COL8A1: variants seen among roughly 807,000 people sequenced by gnomAD.
COL8A1 encodes collagen type VIII alpha 1 chain, also known as collagen alpha-1(VIII) chain.
A neutral mutation model predicts 42.7 loss-of-function variants in COL8A1; 21 were observed. That is an observed-to-expected ratio of 0.49 (90% CI 0.35 to 0.71). The LOEUF (loss-of-function observed/expected upper bound fraction) is 0.71. COL8A1 is among the 30% of genes least tolerant of loss of function. The pLI is 0.01. For missense variants in COL8A1, 788 were observed against 962.4 expected, an observed-to-expected ratio of 0.82 and a Z score of 2.40; for synonymous variants, 367 against 369.1, an observed-to-expected ratio of 0.99 and a Z score of 0.06.
chr3:99,679,164 C>G (rs1315370877), intron 1 of COL8A1: 1 of 152,178 alleles, frequency 6.6e-6, no homozygotes, highest in Non-Finnish European at 1.5e-5. Context: ...TTGCAATCTT[C>G]CAAGTCCAAG....
rs201821769 is a variant in COL8A1 at position 99,791,366 on chromosome 3, GA to G, written c.328+364del. 4.7e-3 allele frequency among the ~76,000 whole-genome samples: 721 copies of G among 151,908 alleles called. 2 individuals are homozygous for G. The highest frequency in any genetic ancestry group is 8.5e-3 in the Non-Finnish European group (575 of 67,918). On this transcript the variant is annotated intron_variant, in intron 3 of 3. Transcript: ENST00000652472. ...GCCAGATGCTGGGAGCTAAAGCAGT[GA>G]AAAAAAAGAAAGGTGACAAGTCAGT...
intron 2 of COL8A1, among the ~76,000 whole-genome samples, chr3:99,783,246 G>A (rs1941828812): frequency 6.6e-6 from 1 of 152,152 alleles, no homozygotes; most frequent in Admixed American, 6.6e-5. Flanking sequence ...TCATTTCAGA[G>A]GCATTATGTG....
In COL8A1 at chr3:99,757,072, CT is replaced by C. The variant is rs1226385154; in HGVS notation, c.-4+12053del. On this transcript the variant is annotated intron_variant, in intron 2 of 3. Transcript: ENST00000652472. ...AGAAAGACAGGGACTTTTCTGTCTT[CT>C]TGCTGTATCCCCAGCAATTAGAACT... 1.1e-4 allele frequency among the ~76,000 whole-genome samples: 17 copies of C among 152,304 alleles called. No homozygotes were observed. In the South Asian group the frequency reaches 3.3e-3, roughly 30 times the overall value.
chr3:99,753,569 A>G, intron 2 of COL8A1, among the ~76,000 whole-genome samples: 1 of 152,192 alleles, frequency 6.6e-6, no homozygotes, highest in East Asian at 1.9e-4. Flanking sequence ...CATGGATCAC[A>G]ATTGCCATCT....
At chr3:99,779,457 C>T (rs955638161) in intron 2 of COL8A1, among the ~76,000 whole-genome samples, 10 of 152,200 alleles carry the variant, frequency 6.6e-5, no homozygotes, top group African/African-American at 1.4e-4. Flanking sequence ...GTCACTCCCA[C>T]AAGGGCAACC....
At chr3:99,749,770 A>T (rs576526336) in intron 2 of COL8A1, among the ~76,000 whole-genome samples, 15 of 152,136 alleles carry the variant, frequency 9.9e-5, no homozygotes, top group Non-Finnish European at 1.5e-4. Flanking sequence ...CATTATACTC[A>T]CTTGGAAGAA....
chr3:99,639,274 A>T (rs1215381150), intron 1 of COL8A1, among the ~76,000 whole-genome samples: 1 of 152,224 alleles, frequency 6.6e-6, no homozygotes, highest in Non-Finnish European at 1.5e-5. Flanking sequence ...CCAGGGTAGA[A>T]TGTGCTCTCT....
intron 2 of COL8A1, among the ~76,000 whole-genome samples, chr3:99,756,530 A>T (rs904717005): frequency 6.6e-6 from 1 of 152,160 alleles, no homozygotes; most frequent in East Asian, 1.9e-4. Flanking sequence ...TTAGCTCCTA[A>T]CTATTTCAAG....
chr3:99,730,975 C>A (rs1940490524), intron 1 of COL8A1, among the ~76,000 whole-genome samples: 1 of 151,966 alleles, frequency 6.6e-6, no homozygotes, highest in Non-Finnish European at 1.5e-5. Flanking sequence ...GTGCTAAGTT[C>A]TGTGTTTCAA....
chr3:99,652,859 A>T (rs528628873), intron 1 of COL8A1, among the ~76,000 whole-genome samples: 21 of 152,176 alleles, frequency 1.4e-4, no homozygotes, highest in Non-Finnish European at 2.9e-4. Flanking sequence ...TTAATGCCCA[A>T]ATGTGTGTAA....
At chr3:99,767,523 TG>T (rs1941486954) in intron 2 of COL8A1, among the ~76,000 whole-genome samples, 1 of 152,204 alleles carries the variant, frequency 6.6e-6, no homozygotes, top group Non-Finnish European at 1.5e-5. Flanking sequence ...GGACCCAACA[TG>T]TTTTTTTGGA....
intron 1 of COL8A1, among the ~76,000 whole-genome samples, chr3:99,744,006 G>A (rs1000930243): frequency 1.0e-4 from 15 of 149,598 alleles, no homozygotes; most frequent in African/African-American, 3.7e-4. Context: ...TCGGCTCACC[G>A]CAAGCTCCGC....
intron 1 of COL8A1, among the ~76,000 whole-genome samples, chr3:99,687,184 C>T (rs1228849795): frequency 1.3e-5 from 2 of 152,178 alleles, no homozygotes; most frequent in African/African-American, 4.8e-5. Flanking sequence ...CAATGTGGAG[C>T]CACCTAGCGG....
intron 1 of COL8A1, among the ~76,000 whole-genome samples, chr3:99,690,031 A>G (rs1939172905): frequency 6.6e-6 from 1 of 152,230 alleles, no homozygotes. Flanking sequence ...AACAATTTGT[A>G]CTGACACATT....
chr3:99,718,661 C>A (rs1424615556), intron 1 of COL8A1, among the ~76,000 whole-genome samples: 1 of 151,984 alleles, frequency 6.6e-6, no homozygotes, highest in African/African-American at 2.4e-5. Flanking sequence ...GCACTAAGTC[C>A]TGTCCTTAGA....
chr3:99,650,942 A>C (rs1366711187), intron 1 of COL8A1, among the ~76,000 whole-genome samples: 1 of 152,232 alleles, frequency 6.6e-6, no homozygotes, highest in Non-Finnish European at 1.5e-5. Flanking sequence ...CTATGACTGC[A>C]GTAGTGTTCA....
chr3:99,762,698 A>G (rs2107427245), intron 2 of COL8A1, among the ~76,000 whole-genome samples: 1 of 152,302 alleles, frequency 6.6e-6, no homozygotes, highest in East Asian at 1.9e-4. Context: ...AGTGTATGTC[A>G]AGAGGCAGGA....
intron 1 of COL8A1, among the ~76,000 whole-genome samples, chr3:99,732,337 C>T (rs570886174): frequency 1.3e-5 from 2 of 152,230 alleles, no homozygotes; most frequent in South Asian, 2.1e-4. Flanking sequence ...ATACCCAAGA[C>T]TTGGTAATTT....
At chr3:99,729,491 G>T (rs1576451415) in intron 1 of COL8A1, among the ~76,000 whole-genome samples, 1 of 151,942 alleles carries the variant, frequency 6.6e-6, no homozygotes, top group South Asian at 2.1e-4. Context: ...GGAAAATTAA[G>T]GTCTCTCTAA....
Sources: gnomAD v4.1 joint callset for allele counts (sites outside exome capture counted in the v4.1 genomes callset) on GRCh38, gnomAD v4.1.1 for gene constraint, MANE v1.5 for transcripts, NCBI Gene and HGNC (gene_info 2026-07-23, HGNC 2026-07-21) for gene names.